IGFL2: variants seen among roughly 807,000 people sequenced by gnomAD.
IGFL2 encodes IGF like family member 2.
IGFL2 carries 7 observed loss-of-function variants against 13.9 expected under a neutral mutation model. The observed-to-expected ratio is 0.51, with a 90% CI of 0.29 to 0.95. IGFL2 has a LOEUF of 0.95. IGFL2 is among the 40% of genes least tolerant of loss of function. The pLI is 0.08. For missense variants in IGFL2, 138 were observed against 147.8 expected (o/e 0.93, Z 0.34); for synonymous variants, 55 against 55.8 (o/e 0.99, Z 0.07).
the IGFL2 span, among the ~76,000 whole-genome samples, chr19:46,105,660 C>T: frequency 1.3e-5 from 2 of 152,076 alleles, no homozygotes; most frequent in African/African-American, 2.4e-5. Flanking sequence ...GTATATGCAT[C>T]AGGTGTGAGG....
At chr19:46,118,210 G>T in the IGFL2 span, among the ~76,000 whole-genome samples, 1 of 152,130 alleles carries the variant, frequency 6.6e-6, no homozygotes, top group African/African-American at 2.4e-5. Flanking sequence ...CTATAAATTG[G>T]AATAGACTTT....
At chr19:46,149,081 G>A (rs1265862235) in intron 1 of IGFL2, 3 of 1,504,426 alleles carry the variant, frequency 2.0e-6, no homozygotes, top group South Asian at 1.2e-5. Flanking sequence ...TTTGTTGTGT[G>A]TATTCCATCA....
the IGFL2 span, among the ~76,000 whole-genome samples, chr19:46,099,737 A>G: frequency 5.4e-4 from 82 of 151,950 alleles, no homozygotes; most frequent in Middle Eastern, 6.8e-3. Context: ...CATCTTATCC[A>G]GGCTGGTCTT....
chr19:46,108,444 C>T, the IGFL2 span, among the ~76,000 whole-genome samples: 2 of 152,018 alleles, frequency 1.3e-5, no homozygotes, highest in Admixed American at 6.5e-5. Context: ...AGTAATGTTG[C>T]AGAAGAAAAT....
At chr19:46,140,071 T>A (rs1325206212), upstream of IGFL2, among the ~76,000 whole-genome samples, 3 of 152,032 alleles carry the variant, frequency 2.0e-5, no homozygotes, top group Non-Finnish European at 4.4e-5. Context: ...TGCCTCAGCC[T>A]CCTGAGTAGC....
chr19:46,122,334 A>G, the IGFL2 span, among the ~76,000 whole-genome samples: 1 of 151,100 alleles, frequency 6.6e-6, no homozygotes, highest in African/African-American at 2.5e-5. Context: ...ATTTAGGACA[A>G]ATACTAAATA....
chr19:46,215,031 G>C, the IGFL2 span, among the ~76,000 whole-genome samples: 695 of 152,162 alleles, frequency 4.6e-3, 9 homozygotes, highest in African/African-American at 0.015. Flanking sequence ...GTGGCAACAG[G>C]TGTGGCCAGA....
the IGFL2 span, among the ~76,000 whole-genome samples, chr19:46,194,846 A>ATTT: frequency 5.7e-5 from 2 of 34,886 alleles, no homozygotes; most frequent in African/African-American, 1.8e-4. Context: ...ATATATATAT[A>ATTT]TATATATTTT....
At chr19:46,173,642 A>G in the IGFL2 span, 1 of 152,184 alleles carries the variant, frequency 6.6e-6, no homozygotes, top group East Asian at 1.9e-4. Context: ...GAACTCACTT[A>G]TTACTGTGAG....
chr19:46,118,237 G>A, the IGFL2 span, among the ~76,000 whole-genome samples: 1 of 152,126 alleles, frequency 6.6e-6, no homozygotes, highest in Non-Finnish European at 1.5e-5. Flanking sequence ...GAATCATAAC[G>A]GCTGAATAGA....
the IGFL2 span, among the ~76,000 whole-genome samples, chr19:46,182,365 T>TAAAAAAAAAAAAAAA: frequency 4.2e-4 from 33 of 78,688 alleles, no homozygotes; most frequent in African/African-American, 1.3e-3. Context: ...AGACTTTGCC[T>TAAAAAAAAAAAAAAA]AAAAAAAAAA....
At position 46,160,447 on chromosome 19, in the gene IGFL2, T is replaced by C; in HGVS notation, c.52T>C (p.Leu18=). 6.2e-7 allele frequency: 1 copy of C among 1,613,786 alleles called. No individual in the cohort carries two copies. The highest frequency in any genetic ancestry group is 1.1e-5 in the South Asian group (1 of 91,060). The change falls in exon 2 of 4, where the codon TTG becomes CTG. Residue 18 remains leucine (L), a synonymous_variant. Transcript: ENST00000377693. ...PAYVSVCLLL[L]CPREVIAPAG... is the part of the protein sequence containing the mutation. ...TTATGTGTCAGTCTGTCTCCTCCTC[T>C]TGTGTCCAAGGGAAGTCATCGGTGA... is the stretch of plus-strand genomic sequence containing the variant.
the IGFL2 span, among the ~76,000 whole-genome samples, chr19:46,206,549 C>T: frequency 6.6e-6 from 1 of 152,232 alleles, no homozygotes; most frequent in East Asian, 1.9e-4. Context: ...AAGATGGAGG[C>T]GAGCTTATAC....
At chr19:46,099,125 T>C in the IGFL2 span, among the ~76,000 whole-genome samples, 2 of 152,248 alleles carry the variant, frequency 1.3e-5, no homozygotes, top group Non-Finnish European at 2.9e-5. Flanking sequence ...GAAATTATTT[T>C]CTTTAAGAAT....
the IGFL2 span, among the ~76,000 whole-genome samples, chr19:46,166,514 CTGTCA>C: frequency 1.8e-4 from 27 of 152,162 alleles, no homozygotes; most frequent in Non-Finnish European, 3.5e-4. Flanking sequence ...TTAGGCACCA[CTGTCA>C]TTGATAACAT....
the IGFL2 span, among the ~76,000 whole-genome samples, chr19:46,091,137 T>G: frequency 6.6e-6 from 1 of 152,204 alleles, no homozygotes; most frequent in Admixed American, 6.5e-5. Context: ...CATGAATCAT[T>G]CAAATTGATG....
At chr19:46,205,874 G>T in the IGFL2 span, among the ~76,000 whole-genome samples, 3 of 152,178 alleles carry the variant, frequency 2.0e-5, no homozygotes, top group Non-Finnish European at 4.4e-5. Context: ...GTTGCTGCCT[G>T]TGGGCTGGGG....
At chr19:46,152,464 T>TA (rs1416451409) in intron 1 of IGFL2, among the ~76,000 whole-genome samples, 1 of 151,998 alleles carries the variant, frequency 6.6e-6, no homozygotes, top group African/African-American at 2.4e-5. Context: ...TTTTTATTTT[T>TA]ATACAGATGG....
the IGFL2 span, among the ~76,000 whole-genome samples, chr19:46,108,057 G>T: frequency 7.2e-5 from 11 of 152,322 alleles, no homozygotes; most frequent in Middle Eastern, 6.8e-3. Context: ...CAGGTGTGAG[G>T]AGGGGAGGTG....
Sources: gnomAD v4.1 joint callset for allele counts (sites outside exome capture counted in the v4.1 genomes callset) on GRCh38, gnomAD v4.1.1 for gene constraint, MANE v1.5 for transcripts, NCBI Gene and HGNC (gene_info 2026-07-23, HGNC 2026-07-21) for gene names.